The following BANK1 variants were observed in gnomAD, a reference collection of about 807,000 sequenced individuals.
The protein encoded by BANK1 is B-cell scaffold protein with ankyrin repeats.
BANK1 carries 95 observed loss-of-function variants against 94.5 expected under a neutral mutation model. That is an observed-to-expected ratio of 1.00 (90% CI 0.85 to 1.19). The LOEUF (loss-of-function observed/expected upper bound fraction) is 1.19, where lower values mean the gene tolerates loss of function less well. BANK1 is among the 50% of genes most tolerant of loss of function. The pLI, the probability that BANK1 is intolerant of heterozygous loss-of-function variation, is 0.00. For synonymous variants in BANK1, 334 were observed against 308.4 expected, an observed-to-expected ratio of 1.08 and a Z score of -0.87; for missense variants, 987 against 932.2, an observed-to-expected ratio of 1.06 and a Z score of -0.77.
chr4:102,044,842 G>A (rs560961773), intron 11 of BANK1, among the ~76,000 whole-genome samples: 1,477 of 111,226 alleles, frequency 0.013, 14 homozygotes, highest in Middle Eastern at 0.038. Context: ...TTTGAGAAGT[G>A]TCTGTTCATG....
intron 7 of BANK1, 105 bp from the exon 8 acceptor site, chr4:102,021,409 A>T (rs372759745): frequency 3.0e-5 from 13 of 429,864 alleles, no homozygotes; most frequent in African/African-American, 8.3e-5. Context: ...CAAGATCTGT[A>T]ATATAATATT....
At chr4:101,985,198 A>G (rs1221368622) in intron 7 of BANK1, among the ~76,000 whole-genome samples, 1 of 152,188 alleles carries the variant, frequency 6.6e-6, no homozygotes, top group African/African-American at 2.4e-5. Context: ...GAGAAGATCA[A>G]CATCCCAACT....
At chr4:101,869,158 C>T (rs1728187382) in intron 4 of BANK1, among the ~76,000 whole-genome samples, 1 of 151,688 alleles carries the variant, frequency 6.6e-6, no homozygotes, top group Admixed American at 6.6e-5. Context: ...AGTTAACTCC[C>T]CATGGTAAAA....
chr4:102,074,022 C>T lies in BANK1; in HGVS notation c.*23C>T. Reference sequence around the variant, plus strand: ...ATTTCCAGGTTATTATAATGAAACTCACGAATCTACGGACATTTTGCTTTC... The same window carrying T: ...ATTTCCAGGTTATTATAATGAAACTTACGAATCTACGGACATTTTGCTTTC... On this transcript the variant is annotated 3_prime_UTR_variant, in exon 17 of 17. Transcript: ENST00000322953. The T allele has an allele frequency of 4.3e-6, 1 of 230,550 alleles. No homozygotes were observed. The highest frequency in any genetic ancestry group is 9.2e-5 in the East Asian group (1 of 10,846). 14.3% of individuals were successfully genotyped at this position (230,550 alleles called of 1,614,324 possible).
chr4:101,888,136 CA>C (rs1424280092), intron 5 of BANK1, among the ~76,000 whole-genome samples: 3 of 152,154 alleles, frequency 2.0e-5, no homozygotes, highest in African/African-American at 7.2e-5. Context: ...ACAAGCACAG[CA>C]ATTTGTTATA....
At chr4:101,874,299 T>C (rs1728406727) in intron 5 of BANK1, among the ~76,000 whole-genome samples, 1 of 152,184 alleles carries the variant, frequency 6.6e-6, no homozygotes, top group Non-Finnish European at 1.5e-5. Flanking sequence ...GAAGAACTTC[T>C]CCCTGTGCTT....
intron 6 of BANK1, among the ~76,000 whole-genome samples, chr4:101,899,380 C>G (rs1310899474): frequency 6.6e-6 from 1 of 152,042 alleles, no homozygotes; most frequent in East Asian, 1.9e-4. Flanking sequence ...GATTTTTCCA[C>G]TCCATTTTTT....
At chr4:101,995,809 A>C (rs1405784623) in intron 7 of BANK1, among the ~76,000 whole-genome samples, 1 of 151,874 alleles carries the variant, frequency 6.6e-6, no homozygotes, top group Non-Finnish European at 1.5e-5. Flanking sequence ...TCATTCTTTT[A>C]AATTTGTTTA....
chr4:101,913,248 T>C (rs1722724873), intron 6 of BANK1, among the ~76,000 whole-genome samples: 1 of 152,140 alleles, frequency 6.6e-6, no homozygotes, highest in Non-Finnish European at 1.5e-5. Context: ...GCAAACACAT[T>C]TGTATAGAAA....
intron 5 of BANK1, 125 bp downstream of exon 5, chr4:101,870,769 T>C (rs1283167260): frequency 1.7e-6 from 2 of 1,150,688 alleles, no homozygotes; most frequent in Non-Finnish European, 1.2e-6. Context: ...TACCAATCAA[T>C]AGGAAGGGAA....
intron 2 of BANK1, among the ~76,000 whole-genome samples, chr4:101,849,218 T>C (rs910778932): frequency 2.0e-5 from 3 of 152,226 alleles, no homozygotes; most frequent in African/African-American, 7.2e-5. Context: ...TTAATCCGCT[T>C]CTTCCAACCT....
rs570891340 is a variant in BANK1 at position 101,936,346 on chromosome 4, T to C, written c.1206+18157T>C. Among the ~76,000 whole-genome samples the C allele has an allele frequency of 6.9e-5, 10 of 145,336 alleles. No individual in the cohort carries two copies. The South Asian group carries it at 2.2e-3, about 32-fold the overall frequency. ...GTATCCATACATATATATGTACATA[T>C]ACATGTATACATACATGCATATATG... On this transcript the variant is annotated intron_variant, in intron 7 of 16. Transcript: ENST00000322953.
chr4:101,899,477 GCTTCAGTTTGA>G (rs1422864649), intron 6 of BANK1, among the ~76,000 whole-genome samples: 1 of 152,022 alleles, frequency 6.6e-6, no homozygotes, highest in African/African-American at 2.4e-5. Context: ...ATGAACTGAT[GCTTCAGTTTGA>G]ATCAAATAAT....
chr4:101,880,180 T>C (rs1275778796), intron 5 of BANK1, among the ~76,000 whole-genome samples: 1 of 152,006 alleles, frequency 6.6e-6, no homozygotes, highest in Non-Finnish European at 1.5e-5. Context: ...AATCTTATAT[T>C]TGGAAAAAAA....
intron 7 of BANK1, among the ~76,000 whole-genome samples, chr4:101,951,366 T>C (rs1724145307): frequency 6.6e-6 from 1 of 152,176 alleles, no homozygotes; most frequent in South Asian, 2.1e-4. Context: ...TGTACAATTT[T>C]ATATTCAATA....
chr4:102,010,248 G>C lies in BANK1; in HGVS notation c.1207-11266G>C, dbSNP rs1258926014. Among the ~76,000 whole-genome samples, 3 of 152,184 alleles carry C rather than the reference G, an allele frequency of 2.0e-5. No individual in the cohort carries two copies. The East Asian group carries it at 5.8e-4, about 30-fold the overall frequency. On this transcript the variant is annotated intron_variant, in intron 7 of 16. Transcript: ENST00000322953. ...CCACTGCACTCCAGCCTGGGCGACA[G>C]AGTGAAACTCCATCTCAAAAACAAA...
At chr4:101,824,648 C>A (rs1463378754) in intron 1 of BANK1, among the ~76,000 whole-genome samples, 1 of 151,632 alleles carries the variant, frequency 6.6e-6, no homozygotes, top group Non-Finnish European at 1.5e-5. Flanking sequence ...ATTGCTGAAT[C>A]CATTATGGCT....
At chr4:101,923,300 A>C (rs1723056866) in intron 7 of BANK1, among the ~76,000 whole-genome samples, 1 of 151,818 alleles carries the variant, frequency 6.6e-6, no homozygotes, top group Admixed American at 6.6e-5. Flanking sequence ...TGTTTCAAGA[A>C]TATATATGTA....
At chr4:101,985,250 C>A (rs1560666976) in intron 7 of BANK1, among the ~76,000 whole-genome samples, 1 of 152,098 alleles carries the variant, frequency 6.6e-6, no homozygotes, top group Non-Finnish European at 1.5e-5. Flanking sequence ...TCTTGTTCAG[C>A]CTTTTATTCT....
Sources: allele counts gnomAD v4.1 joint callset (sites outside exome capture counted in the v4.1 genomes callset), GRCh38; gene constraint gnomAD v4.1.1; transcripts MANE v1.5; gene names NCBI Gene and HGNC (gene_info 2026-07-23, HGNC 2026-07-21).